Variants in B3GAT2 observed in about 807,000 individuals in gnomAD.
B3GAT2 encodes the protein galactosylgalactosylxylosylprotein 3-beta-glucuronosyltransferase 2.
A neutral mutation model predicts 27.8 loss-of-function variants in B3GAT2; 26 were observed. That is an observed-to-expected ratio of 0.93 (90% confidence interval 0.68 to 1.30). The LOEUF (loss-of-function observed/expected upper bound fraction) is 1.30, where lower values mean the gene tolerates loss of function less well. Ranked by LOEUF, B3GAT2 falls within the 50% of genes most tolerant of loss-of-function variation. The probability of loss-of-function intolerance (pLI) is 0.00; values close to 1 mark genes in which losing one functional copy is unlikely to be tolerated. For synonymous variants in B3GAT2, 218 were observed against 195.1 expected (o/e 1.12, Z -0.98); for missense variants, 458 against 459.0 (o/e 1.00, Z 0.02).
intron 1 of B3GAT2, among the ~76,000 whole-genome samples, chr6:70,913,584 G>T (rs1316984738): frequency 1.3e-5 from 2 of 152,166 alleles, no homozygotes; most frequent in African/African-American, 2.4e-5. Context: ...TGTGATTCTT[G>T]TGTTTTTAAT....
chr6:70,877,099 A>C (rs1328638164), intron 2 of B3GAT2, among the ~76,000 whole-genome samples: 1 of 152,208 alleles, frequency 6.6e-6, no homozygotes, highest in East Asian at 1.9e-4. Flanking sequence ...GATTGTAATC[A>C]AAAGTCAATT....
At chr6:70,897,887 C>T (rs142615894) in intron 1 of B3GAT2, among the ~76,000 whole-genome samples, 144 of 151,952 alleles carry the variant, frequency 9.5e-4, no homozygotes, top group African/African-American at 3.3e-3. Context: ...ACAACTGAGC[C>T]GCCATTACAA....
At chr6:70,908,435 C>T (rs1772635295) in intron 1 of B3GAT2, among the ~76,000 whole-genome samples, 1 of 152,108 alleles carries the variant, frequency 6.6e-6, no homozygotes, top group Non-Finnish European at 1.5e-5. Context: ...CAGAGAAGTA[C>T]CTTGTGCTGA....
At position 70,893,162 on chromosome 6, in the gene B3GAT2, C is replaced by T. The variant is rs556401723; in HGVS notation, c.736+966G>A. Among the ~76,000 whole-genome samples the T allele has an allele frequency of 1.7e-4, 26 of 152,322 alleles. No individual in the cohort carries two copies. The South Asian group carries it at 4.8e-3, about 28-fold the overall frequency. ...TCAGATGACTCCTGGTATTCTTCGT[C>T]CTCTGGCTCCCTCAGATTTATAGTA... On this transcript the variant is annotated intron_variant, in intron 2 of 3. Transcript: ENST00000230053.
chr6:70,956,366 T>C lies in B3GAT2; in HGVS notation c.64A>G (p.Met22Val). The change falls in exon 1 of 4, where the codon ATG becomes GTG. Residue 22 changes from methionine (M) to valine (V), a missense_variant. Physicochemically the swap from Met to Val is conservative, Grantham distance 21. Transcript: ENST00000230053. ...LLPWILIVII[M>V]LDVDTRRPVP... ...GGCCTGCGCGTGTCCACGTCGAGCATGATGATGACAATTAGGATCCAGGGC... is the reference window on the plus strand; with the variant it reads ...GGCCTGCGCGTGTCCACGTCGAGCACGATGATGACAATTAGGATCCAGGGC... 3 of 1,561,572 alleles carry C rather than the reference T, an allele frequency of 1.9e-6. No homozygotes were observed. The highest frequency in any genetic ancestry group is 2.6e-6 in the Non-Finnish European group (3 of 1,152,336).
chr6:70,907,018 T>A (rs1772613187), intron 1 of B3GAT2, among the ~76,000 whole-genome samples: 1 of 152,114 alleles, frequency 6.6e-6, no homozygotes, highest in Non-Finnish European at 1.5e-5. Context: ...ACCACAAACT[T>A]TACCATGAAA....
chr6:70,940,936 G>A (rs532439543), intron 1 of B3GAT2, among the ~76,000 whole-genome samples: 1 of 152,260 alleles, frequency 6.6e-6, no homozygotes, highest in South Asian at 2.1e-4. Context: ...ACCGTTAGGA[G>A]TTAGCATCAG....
chr6:70,903,530 A>G (rs1772544533), intron 1 of B3GAT2, among the ~76,000 whole-genome samples: 1 of 152,124 alleles, frequency 6.6e-6, no homozygotes, highest in African/African-American at 2.4e-5. Flanking sequence ...ACCCAATTAA[A>G]AAAGTCAGTG....
At chr6:70,899,459 G>C (rs1225950425) in intron 1 of B3GAT2, among the ~76,000 whole-genome samples, 1 of 152,180 alleles carries the variant, frequency 6.6e-6, no homozygotes, top group East Asian at 1.9e-4. Context: ...ATTTGTTCAT[G>C]CTTTATTTTT....
At position 70,935,283 on chromosome 6, in the gene B3GAT2, C is replaced by G. The variant is rs957479011; in HGVS notation, c.591+20556G>C. Among the ~76,000 whole-genome samples the G allele has an allele frequency of 4.0e-5, 6 of 149,094 alleles. No individual in the cohort carries two copies. The Admixed American group carries it at 4.0e-4, about 10-fold the overall frequency. ...AAACATAGGAGGACCCTGTCTCTAC[C>G]AAAAAAAAATAAAAATAAAAATTAG... On this transcript the variant is annotated intron_variant, in intron 1 of 3. Transcript: ENST00000230053.
chr6:70,956,047 C>A lies in B3GAT2; in HGVS notation c.383G>T (p.Arg128Leu), dbSNP rs1404142377. Residue 128 changes from arginine to leucine, a missense_variant, in exon 1 of 4, where the codon CGC becomes CTC. Coordinates refer to ENST00000230053, the MANE Select transcript of B3GAT2 (RefSeq NM_080742.3). ...DAAARSELVS[R>L]FLARAGLPST... is the part of the protein sequence containing the mutation. ...GGGCAGCCCGGCCCGCGCCAGGAAG[C>A]GGCTCACCAGCTCGCTGCGCGCCGC... 1.3e-6 allele frequency: 2 copies of A among 1,573,804 alleles called. No individual in the cohort carries two copies. The highest frequency in any genetic ancestry group is 1.2e-5 in the South Asian group (1 of 86,220).
At chr6:70,888,440 C>G (rs1008961777) in intron 2 of B3GAT2, among the ~76,000 whole-genome samples, 4 of 152,092 alleles carry the variant, frequency 2.6e-5, no homozygotes, top group Non-Finnish European at 5.9e-5. Context: ...TTAAAAAGAT[C>G]TAAGTGTCTG....
Position 70,956,006 on chromosome 6 carries a change from C to T in B3GAT2, c.424G>A (p.Val142Met), listed in dbSNP as rs750320042. ...CGCTTGTAGCGCCGCGGCGTGGGCA[C>T]GTGCAGGTGAGTGCTGGGCAGCCCG... is the stretch of plus-strand genomic sequence containing the variant. ...RAGLPSTHLH[V>M]PTPRRYKRPG... The change falls in exon 1 of 4, where the codon GTG becomes ATG. Residue 142 changes from valine (V) to methionine (M), a missense_variant. Transcript: ENST00000230053. 49 of 1,465,174 alleles carry T rather than the reference C, an allele frequency of 3.3e-5. No homozygotes were observed. Among genetic ancestry groups the T allele is most frequent in the Non-Finnish European group, 4.3e-5 (48 of 1,119,580 alleles). 90.8% of individuals were successfully genotyped at this position (1,465,174 alleles called of 1,614,324 possible). A position where few individuals can be genotyped will look rare whatever the true frequency, so the allele number is the denominator to read the frequency against.
chr6:70,892,986 T>A (rs1401038421), intron 2 of B3GAT2, among the ~76,000 whole-genome samples: 1 of 152,046 alleles, frequency 6.6e-6, no homozygotes, highest in Non-Finnish European at 1.5e-5. Context: ...AACAGAGGGA[T>A]GGAGAGGTCA....
intron 2 of B3GAT2, among the ~76,000 whole-genome samples, chr6:70,884,681 A>G (rs894895955): frequency 6.6e-6 from 1 of 152,268 alleles, no homozygotes; most frequent in African/African-American, 2.4e-5. Context: ...CTCATCAATG[A>G]GTCTGGAAGA....
intron 1 of B3GAT2, among the ~76,000 whole-genome samples, chr6:70,929,807 A>C (rs1773030061): frequency 6.6e-6 from 1 of 152,232 alleles, no homozygotes; most frequent in Non-Finnish European, 1.5e-5. Context: ...CCATTGAGCT[A>C]CCAATGACTT....
intron 1 of B3GAT2, among the ~76,000 whole-genome samples, chr6:70,940,509 C>G (rs74322134): frequency 0.039 from 6,011 of 152,236 alleles, 150 homozygotes; most frequent in Middle Eastern, 0.072. Flanking sequence ...AAATCTATTT[C>G]GTGCCCTCTC....
At chr6:70,915,179 T>C (rs1772751312) in intron 1 of B3GAT2, among the ~76,000 whole-genome samples, 1 of 152,224 alleles carries the variant, frequency 6.6e-6, no homozygotes, top group Non-Finnish European at 1.5e-5. Context: ...TTTTTTCATA[T>C]GTCTGTTGGC....
intron 1 of B3GAT2, among the ~76,000 whole-genome samples, chr6:70,896,205 G>A (rs1261695731): frequency 6.6e-6 from 1 of 151,962 alleles, no homozygotes; most frequent in Admixed American, 6.6e-5. Context: ...TCAGAGGGAG[G>A]GAGGGAACAC....
Sources: allele counts gnomAD v4.1 joint callset (sites outside exome capture counted in the v4.1 genomes callset), GRCh38; gene constraint gnomAD v4.1.1; transcripts MANE v1.5; gene names NCBI Gene and HGNC (gene_info 2026-07-23, HGNC 2026-07-21).